The following NUP37 variants were observed in gnomAD, a reference collection of about 807,000 sequenced individuals.
NUP37 encodes nucleoporin 37, also known as nucleoporin Nup37.
A neutral mutation model predicts 45.4 loss-of-function variants in NUP37; 33 were observed. The observed-to-expected ratio is 0.73, with a 90% CI of 0.55 to 0.97. The LOEUF (loss-of-function observed/expected upper bound fraction) is 0.97. Among genes scored for constraint, NUP37 ranks in the 50% least tolerant of loss-of-function variants. The pLI, the probability that NUP37 is intolerant of heterozygous loss-of-function variation, is 0.00. For missense variants in NUP37, 365 were observed against 389.7 expected (o/e 0.94, Z 0.53); for synonymous variants, 127 against 130.7 (o/e 0.97, Z 0.19).
At chr12:102,096,071 CTCTT>C (rs1419437055) in intron 5 of NUP37, among the ~76,000 whole-genome samples, 2 of 152,032 alleles carry the variant, frequency 1.3e-5, no homozygotes, top group East Asian at 1.9e-4. Flanking sequence ...CATTATTATT[CTCTT>C]TGTTTTCCTT....
intron 4 of NUP37, 37 bp from the exon 5 acceptor site, chr12:102,099,237 C>T: frequency 7.0e-7 from 1 of 1,418,590 alleles, no homozygotes; most frequent in East Asian, 2.3e-5. Flanking sequence ...AGCAAGAAAA[C>T]AGAAAAATAA....
intron 8 of NUP37, among the ~76,000 whole-genome samples, chr12:102,076,387 G>A (rs1392214955): frequency 6.6e-6 from 1 of 152,158 alleles, no homozygotes; most frequent in Non-Finnish European, 1.5e-5. Context: ...AGACATGTAT[G>A]TTAATTTAAG....
At chr12:102,105,457 G>A (rs911022623) in intron 3 of NUP37, among the ~76,000 whole-genome samples, 2 of 152,274 alleles carry the variant, frequency 1.3e-5, no homozygotes, top group African/African-American at 4.8e-5. Context: ...TTGAGCCCGG[G>A]AGGCGGAGGT....
intron 1 of NUP37, among the ~76,000 whole-genome samples, chr12:102,119,703 T>C (rs542159382): frequency 2.0e-5 from 3 of 152,174 alleles, no homozygotes; most frequent in Admixed American, 6.5e-5. Context: ...CAGCAAGTGT[T>C]ATGGACACGG....
intron 5 of NUP37, among the ~76,000 whole-genome samples, chr12:102,086,706 C>G (rs1879481928): frequency 6.6e-6 from 1 of 152,202 alleles, no homozygotes; most frequent in African/African-American, 2.4e-5. Context: ...TTACATTGCA[C>G]TGGCACAGAG....
In NUP37 at chr12:102,112,201, T is replaced by G; in HGVS notation, c.188A>C (p.Tyr63Ser). 7 of 1,613,618 alleles carry G rather than the reference T, an allele frequency of 4.3e-6. No homozygotes were observed. Among genetic ancestry groups the G allele is most frequent in the Non-Finnish European group, 5.1e-6 (6 of 1,179,588 alleles). ...EEEADVEGIQ[Y>S]KTLRTFHHGV... ...ATGGTGAAATGTTCGAAGTGTTTTA[T>G]ACTGAATGCCTTCAACGTCTGCTTC... Residue 63 changes from tyrosine to serine, a missense_variant, in exon 3 of 10, where the codon TAT becomes TCT. Physicochemically the swap from Tyr to Ser is moderately radical, Grantham distance 144. Transcript: ENST00000552283.
At chr12:102,080,715 G>A (rs1332823245) in intron 6 of NUP37, among the ~76,000 whole-genome samples, 1 of 152,124 alleles carries the variant, frequency 6.6e-6, no homozygotes, top group African/African-American at 2.4e-5. Context: ...TTGAATCCAG[G>A]TCTGTTTAAC....
At position 102,099,096 on chromosome 12, in the gene NUP37, A is replaced by C. The variant is rs1307457067; in HGVS notation, c.449+10T>G. 1 of 1,577,110 alleles carries C rather than the reference A, an allele frequency of 6.3e-7. No individual in the cohort carries two copies. On this transcript the variant is annotated intron_variant, in intron 5 of 9. Coordinates refer to ENST00000552283, the MANE Select transcript of NUP37 (RefSeq NM_024057.4). ...AATTTAAAAATGTGGTTATAACATA[A>C]GCAACATACCTGCAGGTGTGATCGT...
intron 3 of NUP37, among the ~76,000 whole-genome samples, chr12:102,111,814 G>A (rs1262475810): frequency 6.6e-6 from 1 of 152,144 alleles, no homozygotes; most frequent in African/African-American, 2.4e-5. Flanking sequence ...TTTCAATAAA[G>A]TTGTAAATTC....
intron 3 of NUP37, among the ~76,000 whole-genome samples, chr12:102,107,539 C>G (rs1880188539): frequency 6.6e-6 from 1 of 152,130 alleles, no homozygotes; most frequent in Admixed American, 6.6e-5. Flanking sequence ...TAAGGGTGGT[C>G]CAAGTGTGCA....
intron 7 of NUP37, 105 bp downstream of exon 7, chr12:102,077,217 G>C (rs778272787): frequency 1.8e-5 from 21 of 1,187,268 alleles, no homozygotes; most frequent in Non-Finnish European, 2.5e-5. Flanking sequence ...ACTTGCTTTC[G>C]CTTGACAGCA....
intron 6 of NUP37, chr12:102,078,912 A>T (rs892788465): frequency 6.4e-6 from 1 of 155,926 alleles, no homozygotes; most frequent in African/African-American, 2.4e-5. Flanking sequence ...ATGTGAAAAA[A>T]TTTTTCTTAA....
At chr12:102,092,575 G>A (rs193104098) in intron 5 of NUP37, among the ~76,000 whole-genome samples, 17 of 152,248 alleles carry the variant, frequency 1.1e-4, no homozygotes, top group Admixed American at 2.6e-4. Flanking sequence ...AGGGTAAGTC[G>A]TGGTGTATTT....
rs567548263 is a variant in NUP37, at chr12:102,097,437, A to T, written c.449+1669T>A. On this transcript the variant is annotated intron_variant, in intron 5 of 9. Transcript: ENST00000552283. ...ATAATGTCCTTTCTTTTACAAAATG[A>T]TAGTGGTAGAAGGCAGTAAACTTAA... Among the ~76,000 whole-genome samples the T allele has an allele frequency of 7.3e-5, 11 of 151,000 alleles. No homozygotes were observed. In the South Asian group the frequency reaches 2.3e-3, roughly 32 times the overall value.
rs1327382322 is a variant in NUP37, at chr12:102,076,820, G to A, written c.750C>T (p.His250=). ...SSYPQNKRPV[H]MDRACLFRWS... ...ACCTGAATAAGCAGGCTCGATCCAT[G>A]TGAACAGGTCTCTTATTTTGAGGAT... Residue 250 remains histidine (H), a synonymous_variant, in exon 8 of 10, where the codon CAC becomes CAT. Coordinates refer to ENST00000552283, the MANE Select transcript of NUP37 (RefSeq NM_024057.4). 2 of 1,613,466 alleles carry A rather than the reference G, an allele frequency of 1.2e-6. No homozygotes were observed. Among genetic ancestry groups the A allele is most frequent in the Non-Finnish European group, 1.7e-6 (2 of 1,179,582 alleles).
chr12:102,106,255 GTCA>G (rs773748644), intron 3 of NUP37, among the ~76,000 whole-genome samples: 5 of 152,256 alleles, frequency 3.3e-5, no homozygotes, highest in Non-Finnish European at 7.4e-5. Context: ...GTTGTTTTAA[GTCA>G]TCATGTTTGT....
intron 5 of NUP37, among the ~76,000 whole-genome samples, chr12:102,097,565 A>G (rs1879840801): frequency 9.1e-6 from 1 of 109,768 alleles, no homozygotes; most frequent in African/African-American, 2.7e-5. Context: ...GTCATAAGAA[A>G]ACAAACAAAC....
intron 8 of NUP37, among the ~76,000 whole-genome samples, chr12:102,076,203 A>G: frequency 6.6e-6 from 1 of 152,218 alleles, no homozygotes; most frequent in Non-Finnish European, 1.5e-5. Flanking sequence ...ATTTAGTCGA[A>G]TGTATTTTAT....
chr12:102,077,845 G>C (rs1373450406), intron 6 of NUP37, among the ~76,000 whole-genome samples: 1 of 152,064 alleles, frequency 6.6e-6, no homozygotes. Context: ...CCATTCCCAA[G>C]GTATCTCATG....
Sources: gnomAD v4.1 joint callset for allele counts (sites outside exome capture counted in the v4.1 genomes callset) on GRCh38, gnomAD v4.1.1 for gene constraint, MANE v1.5 for transcripts, NCBI Gene and HGNC (gene_info 2026-07-23, HGNC 2026-07-21) for gene names.